The following PERCC1 variants were observed in gnomAD, a reference collection of about 807,000 sequenced individuals.
The protein encoded by PERCC1 is protein PERCC1.
rs902619868 is a variant in PERCC1, at chr16:1,432,762, G to A, written c.169G>A (p.Gly57Ser). The part of the protein sequence containing the change: ...EGEGEGLGGC[G>S]RILPSSGRAE... ...CGAGGGCGAGGGGCTGGGGGGCTGC[G>A]GCCGGATCCTCCCGAGCTCAGGCCG... Residue 57 changes from glycine to serine, a missense_variant, in exon 2 of 2, where the codon GGC (glycine) becomes AGC (serine). Gly to Ser is a moderately conservative substitution (Grantham distance 56). Coordinates refer to ENST00000640283, the MANE Select transcript of PERCC1 (RefSeq NM_001365310.2). The A allele has an allele frequency of 3.9e-4, 156 of 399,152 alleles. No individual in the cohort carries two copies. The highest frequency in any genetic ancestry group is 5.6e-4 in the Non-Finnish European group (127 of 226,516). The allele number at this position is 399,152 out of a possible 1,614,324, so 24.7% of individuals were successfully genotyped here.
Sources: allele counts gnomAD v4.1 joint callset, GRCh38; gene constraint gnomAD v4.1.1; transcripts MANE v1.5; gene names NCBI Gene and HGNC (gene_info 2026-07-23, HGNC 2026-07-21).